NUB1: variants seen among roughly 807,000 people sequenced by gnomAD.
NUB1 encodes the protein NEDD8 ultimate buster 1.
Under a neutral mutation model 77.1 loss-of-function variants are expected in NUB1, and 41 were observed. The observed-to-expected ratio is 0.53, with a 90% CI of 0.41 to 0.69. The LOEUF is 0.69. NUB1 is among the 30% of genes least tolerant of loss of function. NUB1 has a pLI of 0.00. For synonymous variants in NUB1, 257 were observed against 281.0 expected, an observed-to-expected ratio of 0.91 and a Z score of 0.85; for missense variants, 643 against 743.8, an observed-to-expected ratio of 0.86 and a Z score of 1.58.
chr7:151,363,441 CAG>C lies in NUB1; in HGVS notation c.800+3198_800+3199del, dbSNP rs1172232334. Among the ~76,000 whole-genome samples the C allele has an allele frequency of 4.5e-5, 6 of 133,746 alleles. 1 individual carries two copies. In the South Asian group the frequency reaches 1.2e-3, roughly 26 times the overall value. The allele number at this position is 133,746 out of a possible 152,430, so 87.7% of individuals were successfully genotyped here. A position where few individuals can be genotyped will look rare whatever the true frequency, so the allele number is the denominator to read the frequency against. On this transcript the variant is annotated intron_variant, in intron 8 of 14. Coordinates refer to ENST00000568733, the MANE Select transcript of NUB1 (RefSeq NM_001243351.2). The stretch of plus-strand genomic sequence containing the variant: ...AGGCAATAGAAACTATCTGAAAAAA[CAG>C]AGAAAAGGCTAAAAAAAAAAAAAAA...
chr7:151,357,738 T>C (rs1797151285), intron 7 of NUB1, among the ~76,000 whole-genome samples: 1 of 151,798 alleles, frequency 6.6e-6, no homozygotes, highest in African/African-American at 2.4e-5. Context: ...GCCTCCCAAG[T>C]AGCTGGGAGT....
intron 3 of NUB1, chr7:151,351,170 G>A (rs1796774846): frequency 2.3e-6 from 1 of 443,842 alleles, no homozygotes; most frequent in Non-Finnish European, 4.0e-6. Flanking sequence ...TGTTAAAGAC[G>A]TCCAGCTGTG....
At chr7:151,365,885 A>C (rs986677242) in intron 8 of NUB1, among the ~76,000 whole-genome samples, 1 of 95,140 alleles carries the variant, frequency 1.1e-5, no homozygotes, top group African/African-American at 3.2e-5. Context: ...GACAAAATTA[A>C]AGTCCTTTTT....
At position 151,374,250 on chromosome 7, in the gene NUB1, G is replaced by A; in HGVS notation, c.1395+7G>A. The A allele has an allele frequency of 6.4e-7, 1 of 1,552,062 alleles. No individual in the cohort carries two copies. The highest frequency in any genetic ancestry group is 8.7e-7 in the Non-Finnish European group (1 of 1,147,472). On this transcript the variant is annotated splice_region_variant and intron_variant, in intron 12 of 14. Coordinates refer to ENST00000568733, the MANE Select transcript of NUB1 (RefSeq NM_001243351.2). ...CTTGGATGAGGCCCTGAAGGTAGCA[G>A]CTCCCTCGGGGCCTCTGGCCTTGTC... is the stretch of plus-strand genomic sequence containing the variant.
Position 151,367,882 on chromosome 7 carries a change from G to A in NUB1, c.1009G>A (p.Val337Ile). The change falls in exon 10 of 15, where the codon GTA (valine) becomes ATA (isoleucine). Residue 337 changes from valine (V) to isoleucine (I), a missense_variant. Coordinates refer to ENST00000568733, the MANE Select transcript of NUB1 (RefSeq NM_001243351.2). Reference sequence around the variant, plus strand: ...TTAGGGAAATTGTGGGAAAGAGAAGGTACTGTTTCTAAGACTCTACTTACT... The same window carrying A: ...TTAGGGAAATTGTGGGAAAGAGAAGATACTGTTTCTAAGACTCTACTTACT... Reference protein sequence around the residue: ...HIKGNCGKEKVLFLRLYLLQG... With the variant: ...HIKGNCGKEKILFLRLYLLQG... 1 of 1,597,884 alleles carries A rather than the reference G, an allele frequency of 6.3e-7. No homozygotes were observed. Among genetic ancestry groups the A allele is most frequent in the South Asian group, 1.1e-5 (1 of 87,872 alleles).
Sources: gnomAD v4.1 joint callset for allele counts (sites outside exome capture counted in the v4.1 genomes callset) on GRCh38, gnomAD v4.1.1 for gene constraint, MANE v1.5 for transcripts, NCBI Gene and HGNC (gene_info 2026-07-23, HGNC 2026-07-21) for gene names.